Variants in ELN observed in about 807,000 individuals in gnomAD.
ELN encodes elastin.
A neutral mutation model predicts 105.8 loss-of-function variants in ELN; 65 were observed. The observed-to-expected ratio is 0.61, with a 90% CI of 0.50 to 0.75. The LOEUF is 0.75. Among genes scored for constraint, ELN ranks in the 30% least tolerant of loss-of-function variants. ELN has a pLI of 0.00. For missense variants in ELN, 882 were observed against 969.4 expected, an observed-to-expected ratio of 0.91 and a Z score of 1.20; for synonymous variants, 368 against 389.2, an observed-to-expected ratio of 0.95 and a Z score of 0.64.
intron 2 of ELN, among the ~76,000 whole-genome samples, chr7:74,036,267 C>T (rs1056235585): frequency 6.6e-6 from 1 of 151,902 alleles, no homozygotes; most frequent in Non-Finnish European, 1.5e-5. Context: ...GCACTCCAGC[C>T]TGGGCGACAG....
chr7:74,031,469 C>G (rs1194326487), intron 1 of ELN, among the ~76,000 whole-genome samples: 1 of 152,154 alleles, frequency 6.6e-6, no homozygotes, highest in Non-Finnish European at 1.5e-5. Flanking sequence ...ACTACTTACA[C>G]CATGTTTTGT....
intron 4 of ELN, among the ~76,000 whole-genome samples, chr7:74,038,330 C>A (rs1790439044): frequency 6.6e-6 from 1 of 152,244 alleles, no homozygotes; most frequent in Non-Finnish European, 1.5e-5. Flanking sequence ...CCTGGTCCCA[C>A]AGGACCCCCA....
chr7:74,061,213 C>T, intron 26 of ELN, 74 bp downstream of exon 26: 1 of 1,595,712 alleles, frequency 6.3e-7, no homozygotes. Flanking sequence ...CTGGGGTGGT[C>T]ACAATAGAAA....
chr7:74,068,628 C>G (rs55745361), intron 32 of ELN, 29 bp from the exon 33 acceptor site: 48 of 1,614,080 alleles, frequency 3.0e-5, no homozygotes, highest in Non-Finnish European at 4.0e-5. Context: ...GGGCCGGACT[C>G]ACAGTGATGT....
At chr7:74,028,965 G>A (rs1788061070) in intron 1 of ELN, among the ~76,000 whole-genome samples, 1 of 152,184 alleles carries the variant, frequency 6.6e-6, no homozygotes, top group South Asian at 2.1e-4. Context: ...ATGCCCGGCT[G>A]TGTCACTGAA....
chr7:74,046,088 G>C (rs978333456), intron 10 of ELN, 100 bp from the exon 11 acceptor site: 3 of 1,513,346 alleles, frequency 2.0e-6, no homozygotes, highest in Middle Eastern at 1.7e-4. Context: ...TGACTGGTCT[G>C]GGAAGAACTG....
intron 31 of ELN, among the ~76,000 whole-genome samples, chr7:74,066,453 G>C (rs879984419): frequency 6.6e-6 from 1 of 152,142 alleles, no homozygotes; most frequent in Non-Finnish European, 1.5e-5. Flanking sequence ...TGTAATCCCA[G>C]CTACTCGGGA....
chr7:74,060,593 A>G, intron 25 of ELN, 92 bp downstream of exon 25: 2 of 1,597,362 alleles, frequency 1.3e-6, no homozygotes, highest in Non-Finnish European at 1.7e-6. Context: ...CCCCCTCATC[A>G]CCCAGGGGTG....
rs1583912142 is a variant in ELN at position 74,056,857 on chromosome 7, C to G, written c.1357+144C>G. ...GAGGCCCCTGCCCCATCTTCCAAAG[C>G]CACACTCCACTCTTACTGTCCTTTT... On this transcript the variant is annotated intron_variant, in intron 21 of 32. Transcript: ENST00000252034. 4.0e-5 allele frequency: 41 copies of G among 1,021,386 alleles called. 1 individual carries two copies. In the South Asian group the frequency reaches 4.7e-4, roughly 12 times the overall value. The allele number at this position is 1,021,386 out of a possible 1,614,324, so 63.3% of individuals were successfully genotyped here. A position where few individuals can be genotyped will look rare whatever the true frequency, so the allele number is the denominator to read the frequency against.
intron 8 of ELN, 114 bp from the exon 9 acceptor site, chr7:74,043,765 C>G: frequency 1.5e-6 from 2 of 1,372,290 alleles, no homozygotes; most frequent in Non-Finnish European, 2.0e-6. Context: ...CTGCCCCTGT[C>G]GGGCACAGAG....
At chr7:74,046,290 C>A in intron 11 of ELN, 73 bp downstream of exon 11, 2 of 1,602,906 alleles carry the variant, frequency 1.2e-6, no homozygotes, top group Admixed American at 3.3e-5. Context: ...GGGTTGGGCA[C>A]CCAAGATCCC....
chr7:74,051,987 AGTGCCTCCCGGG>A lies in ELN; in HGVS notation c.949+8_949+19del, dbSNP rs782077154. 4.3e-5 allele frequency: 70 copies of A among 1,613,100 alleles called. No homozygotes were observed. The South Asian group carries it at 7.2e-4, about 17-fold the overall frequency. On this transcript the variant is annotated splice_donor_5th_base_variant and intron_variant, in intron 17 of 32. Transcript: ENST00000252034. ...GCCGCTAAGGCAGCCAAGTATGGTGAGTGCCTCCCGGGGTGGCAAGTCCACGGCTCGGGCCCC... is the reference window on the plus strand; with the variant it reads ...GCCGCTAAGGCAGCCAAGTATGGTGAGTGGCAAGTCCACGGCTCGGGCCCC...
At chr7:74,042,924 C>CG in intron 6 of ELN, 60 bp from the exon 7 acceptor site, 1 of 1,612,974 alleles carries the variant, frequency 6.2e-7, no homozygotes, top group Non-Finnish European at 8.5e-7. Flanking sequence ...CATGCAGCCC[C>CG]GGGCCCTTCT....
rs782206872 is a variant in ELN at position 74,056,659 on chromosome 7, C to T, written c.1316-13C>T. ...GGCTTCTGAGGGTCTCTTTCTTTCTCGTTTCCTTGTAGCCGAAGCTCAGGC... is the reference window on the plus strand; with the variant it reads ...GGCTTCTGAGGGTCTCTTTCTTTCTTGTTTCCTTGTAGCCGAAGCTCAGGC... On this transcript the variant is annotated splice_polypyrimidine_tract_variant and intron_variant, in intron 20 of 32. Transcript: ENST00000252034. 10 of 1,613,692 alleles carry T rather than the reference C, an allele frequency of 6.2e-6. No homozygotes were observed. Among genetic ancestry groups the T allele is most frequent in the Middle Eastern group, 1.6e-4 (1 of 6,084 alleles).
At chr7:74,040,289 C>T (rs989952527) in intron 4 of ELN, among the ~76,000 whole-genome samples, 1 of 152,210 alleles carries the variant, frequency 6.6e-6, no homozygotes, top group South Asian at 2.1e-4. Flanking sequence ...CGACTGCCAG[C>T]GCAGGTGGGT....
At chr7:74,028,921 G>A (rs1350381071) in intron 1 of ELN, among the ~76,000 whole-genome samples, 2 of 152,102 alleles carry the variant, frequency 1.3e-5, no homozygotes, top group Admixed American at 6.5e-5. Context: ...GCTCGTGTGT[G>A]TATGTGTGCA....
chr7:74,040,477 A>G (rs967608940), intron 4 of ELN, among the ~76,000 whole-genome samples: 1 of 152,044 alleles, frequency 6.6e-6, no homozygotes, highest in Admixed American at 6.5e-5. Flanking sequence ...GCCAGGGGGG[A>G]CCTCTCCAGG....
At chr7:74,042,784 C>T in intron 6 of ELN, 78 bp downstream of exon 6, 2 of 1,571,806 alleles carry the variant, frequency 1.3e-6, no homozygotes, top group Non-Finnish European at 8.7e-7. Flanking sequence ...AACCTTCCCT[C>T]AACTCAGGCT....
chr7:74,049,164 C>T (rs1400654319), intron 15 of ELN, among the ~76,000 whole-genome samples: 1 of 151,394 alleles, frequency 6.6e-6, no homozygotes, highest in Non-Finnish European at 1.5e-5. Context: ...TTTATCCATC[C>T]ACCCACTCAT....
Sources: allele counts gnomAD v4.1 joint callset (sites outside exome capture counted in the v4.1 genomes callset), GRCh38; gene constraint gnomAD v4.1.1; transcripts MANE v1.5; gene names NCBI Gene and HGNC (gene_info 2026-07-23, HGNC 2026-07-21).